Variants in JAKMIP3 observed in about 807,000 individuals in gnomAD.
JAKMIP3 encodes the protein Janus kinase and microtubule interacting protein 3.
A neutral mutation model predicts 118.5 loss-of-function variants in JAKMIP3; 58 were observed. That is an observed-to-expected ratio of 0.49 (90% confidence interval 0.40 to 0.61). The LOEUF (loss-of-function observed/expected upper bound fraction) is 0.61, where lower values mean the gene tolerates loss of function less well. Ranked by LOEUF, JAKMIP3 falls within the 20% of genes least tolerant of loss-of-function variation. The pLI is 0.00. For missense variants in JAKMIP3, 950 were observed against 1,109.0 expected, an observed-to-expected ratio of 0.86 and a Z score of 2.04; for synonymous variants, 486 against 451.2, an observed-to-expected ratio of 1.08 and a Z score of -0.98.
rs527962312 is a variant in JAKMIP3 at position 132,097,245 on chromosome 10, G to A, written c.-137-7427G>A. Among the ~76,000 whole-genome samples the A allele has an allele frequency of 1.2e-4, 18 of 152,312 alleles. No homozygotes were observed. The East Asian group carries it at 2.3e-3, about 20-fold the overall frequency. Reference sequence around the variant, plus strand: ...CTGTAGAGCCCGGAAATGGTTCAGCGCCAGGTATCCTCCAGTGGGCGAGTG... The same window carrying A: ...CTGTAGAGCCCGGAAATGGTTCAGCACCAGGTATCCTCCAGTGGGCGAGTG... On this transcript the variant is annotated intron_variant, in intron 1 of 23. Transcript: ENST00000684848.
intron 1 of JAKMIP3, among the ~76,000 whole-genome samples, 147 bp downstream of exon 1, chr10:132,066,208 G>T (rs1324338453): frequency 6.6e-6 from 1 of 152,220 alleles, no homozygotes; most frequent in African/African-American, 2.4e-5. Flanking sequence ...TCTGTCCTCT[G>T]AGGGGTGCAG....
At chr10:132,039,775 C>T (rs561459630) in intron 1 of JAKMIP3, among the ~76,000 whole-genome samples, 10 of 152,344 alleles carry the variant, frequency 6.6e-5, no homozygotes, top group African/African-American at 2.4e-4. Flanking sequence ...CCTCTCTCGG[C>T]CTCCAGCCGC....
intron 3 of JAKMIP3, among the ~76,000 whole-genome samples, chr10:132,131,376 TG>T (rs1341784651): frequency 1.5e-5 from 2 of 132,316 alleles, no homozygotes; most frequent in East Asian, 4.5e-4. Context: ...ATGGGAGCTC[TG>T]GGGTGCAGGT....
intron 19 of JAKMIP3, among the ~76,000 whole-genome samples, chr10:132,154,434 G>T (rs75067884): frequency 0.13 from 20,096 of 152,206 alleles, 1,469 homozygotes; most frequent in Middle Eastern, 0.17. Context: ...TGGTGTGGCT[G>T]GGAGGAGCAT....
intron 1 of JAKMIP3, among the ~76,000 whole-genome samples, chr10:132,041,160 ACT>A (rs2037734021): frequency 6.6e-6 from 1 of 151,698 alleles, no homozygotes; most frequent in Non-Finnish European, 1.5e-5. Context: ...GGGTCAAGCG[ACT>A]CTCATGCCTC....
intron 13 of JAKMIP3, 62 bp from the exon 14 acceptor site, chr10:132,147,890 C>G: frequency 8.0e-7 from 1 of 1,250,944 alleles, no homozygotes; most frequent in Non-Finnish European, 1.1e-6. Flanking sequence ...TGGAGTTGAC[C>G]TCCCAAGACC....
At chr10:132,085,648 A>T (rs1252382211) in intron 1 of JAKMIP3, among the ~76,000 whole-genome samples, 2 of 151,942 alleles carry the variant, frequency 1.3e-5, no homozygotes, top group East Asian at 3.9e-4. Flanking sequence ...CTACCAGCGC[A>T]TGCCACCATG....
Position 132,118,015 on chromosome 10 carries a change from G to A in JAKMIP3, c.633+441G>A, listed in dbSNP as rs970460735. Among the ~76,000 whole-genome samples the A allele has an allele frequency of 1.3e-5, 2 of 152,100 alleles. No individual in the cohort carries two copies. The highest frequency in any genetic ancestry group is 1.5e-5 in the Non-Finnish European group (1 of 68,014). ...CAGCAGGAGTCCCACACATCCTCAC[G>A]GGGGGACTCAGAGGGAATTCTCCAG... On this transcript the variant is annotated intron_variant, in intron 3 of 23. Coordinates refer to ENST00000684848, the MANE Select transcript of JAKMIP3 (RefSeq NM_001323087.2). The surrounding 1 kb of genome is among the most constrained non-coding windows in gnomAD (Gnocchi z 4.8).
At chr10:132,151,931 T>C (rs2056292146) in intron 16 of JAKMIP3, among the ~76,000 whole-genome samples, 2 of 152,244 alleles carry the variant, frequency 1.3e-5, no homozygotes, top group South Asian at 2.1e-4. Flanking sequence ...AGCCTGGCTG[T>C]GCAATCAGTG....
rs2047989247 is a variant in JAKMIP3, at chr10:132,118,031, A to AATTCTCCAGTG, written c.633+468_633+478dup. ...CATCCTCACGGGGGGACTCAGAGGG[A>AATTCTCCAGTG]ATTCTCCAGTGATTCTCCAGTTGAA... is the stretch of plus-strand genomic sequence containing the variant. On this transcript the variant is annotated intron_variant, in intron 3 of 23. Transcript: ENST00000684848. The surrounding 1 kb of genome is among the most constrained non-coding windows in gnomAD (Gnocchi z 4.8). 6.6e-6 allele frequency among the ~76,000 whole-genome samples: 1 copy of AATTCTCCAGTG among 152,088 alleles called. No individual in the cohort carries two copies. The highest frequency in any genetic ancestry group is 2.4e-5 in the African/African-American group (1 of 41,406).
At chr10:132,145,221 G>C in intron 12 of JAKMIP3, 31 bp downstream of exon 12, 1 of 1,530,486 alleles carries the variant, frequency 6.5e-7, no homozygotes, top group Non-Finnish European at 8.9e-7. Context: ...ACGGGCGTGG[G>C]GGCACACGTG....
At chr10:132,171,094 A>G (rs1318485357) in intron 23 of JAKMIP3, among the ~76,000 whole-genome samples, 1 of 152,208 alleles carries the variant, frequency 6.6e-6, no homozygotes, top group African/African-American at 2.4e-5. Context: ...CAGTCAAGTG[A>G]GGAGAGGAGA....
chr10:132,181,286 A>G (rs1459152215), intron 23 of JAKMIP3: 2 of 152,188 alleles, frequency 1.3e-5, no homozygotes, highest in Non-Finnish European at 2.9e-5. Context: ...CATATTTTCA[A>G]CAAGACCTCT....
intron 11 of JAKMIP3, among the ~76,000 whole-genome samples, chr10:132,142,366 C>T (rs1209865133): frequency 6.6e-6 from 1 of 152,202 alleles, no homozygotes; most frequent in Admixed American, 6.5e-5. Flanking sequence ...CCTTCCAGAC[C>T]ACCTCTTCCA....
In JAKMIP3 at chr10:132,117,359, A is replaced by G; in HGVS notation, c.418A>G (p.Lys140Glu). 6.2e-7 allele frequency: 1 copy of G among 1,613,980 alleles called. No homozygotes were observed. The highest frequency in any genetic ancestry group is 1.1e-5 in the South Asian group (1 of 91,078). Reference sequence around the variant, plus strand: ...CAAGACCGTGCTGCTGTCCGAGGCCAAGGAGGAGGCCAAGAAGGGGTTCGA... The same window carrying G: ...CAAGACCGTGCTGCTGTCCGAGGCCGAGGAGGAGGCCAAGAAGGGGTTCGA... ...KVKTVLLSEA[K>E]EEAKKGFEVE... The change falls in exon 3 of 24, where the codon AAG becomes GAG. Residue 140 changes from lysine (K) to glutamate (E), a missense_variant. Lys to Glu is a moderately conservative substitution (Grantham distance 56, BLOSUM62 1). Transcript: ENST00000684848. The surrounding 1 kb of genome is among the most constrained non-coding windows in gnomAD (Gnocchi z 8.6).
At chr10:132,153,869 A>G (rs750149658) in intron 18 of JAKMIP3, 42 bp downstream of exon 18, 2 of 1,612,762 alleles carry the variant, frequency 1.2e-6, no homozygotes, top group South Asian at 2.2e-5. Flanking sequence ...TCGGTGCTGC[A>G]GGTGGGACAT....
chr10:132,094,439 C>T (rs1000014807), intron 1 of JAKMIP3, among the ~76,000 whole-genome samples: 3 of 151,816 alleles, frequency 2.0e-5, no homozygotes, highest in Admixed American at 6.6e-5. Flanking sequence ...ATTCTTTTGT[C>T]CCATGGGGTG....
chr10:132,164,817 C>T lies in JAKMIP3; in HGVS notation c.2490+82C>T, dbSNP rs1418276794. On this transcript the variant is annotated intron_variant, in intron 21 of 23. Transcript: ENST00000684848. ...TGTCACCCCGACCTGAGTCACTCAG[C>T]TCCAGGCCGTTGGGGCAGCAGACTT... 4 of 949,080 alleles carry T rather than the reference C, an allele frequency of 4.2e-6. No individual in the cohort carries two copies. The Admixed American group carries it at 7.9e-5, about 19-fold the overall frequency. 58.8% of individuals were successfully genotyped at this position (949,080 alleles called of 1,614,324 possible).
chr10:132,122,065 C>T (rs573471448), intron 3 of JAKMIP3, among the ~76,000 whole-genome samples: 13 of 152,344 alleles, frequency 8.5e-5, no homozygotes, highest in South Asian at 6.2e-4. Context: ...CCAGCACCTA[C>T]GGTAGGTGTT....
Sources: gnomAD v4.1 joint callset for allele counts (sites outside exome capture counted in the v4.1 genomes callset) on GRCh38, gnomAD v4.1.1 for gene constraint, Gnocchi (gnomAD v3.1) non-coding constraint, MANE v1.5 for transcripts, NCBI Gene and HGNC (gene_info 2026-07-23, HGNC 2026-07-21) for gene names.